Variants in TNFAIP8L3 observed in about 807,000 individuals in gnomAD.
TNFAIP8L3 encodes TNF alpha induced protein 8 like 3, also known as tumor necrosis factor alpha-induced protein 8-like protein 3.
A neutral mutation model predicts 11.8 loss-of-function variants in TNFAIP8L3; 7 were observed. The observed-to-expected ratio is 0.59, with a 90% CI of 0.34 to 1.11. The LOEUF (loss-of-function observed/expected upper bound fraction) is 1.11. TNFAIP8L3 is among the 50% of genes most tolerant of loss of function. The pLI is 0.03. For synonymous variants in TNFAIP8L3, 98 were observed against 103.8 expected, an observed-to-expected ratio of 0.94 and a Z score of 0.34; for missense variants, 219 against 258.6, an observed-to-expected ratio of 0.85 and a Z score of 1.05.
chr15:51,062,740 A>T (rs569055623), intron 1 of TNFAIP8L3, among the ~76,000 whole-genome samples: 113 of 152,348 alleles, frequency 7.4e-4, no homozygotes, highest in African/African-American at 2.6e-3. Context: ...GTGAGATTTT[A>T]AAAATATTTA....
exon 1 of TNFAIP8L3, chr15:51,105,150 G>A (rs1159804531): frequency 3.1e-6 from 5 of 1,613,944 alleles, no homozygotes; most frequent in Non-Finnish European, 4.2e-6. Context: ...AAACCAGTGT[G>A]CTTGGGTTTT....
At chr15:51,104,429 C>T (rs2065574992) in intron 1 of TNFAIP8L3, among the ~76,000 whole-genome samples, 1 of 152,122 alleles carries the variant, frequency 6.6e-6, no homozygotes. Context: ...GAATATACAC[C>T]AAAACAAAGA....
chr15:51,090,945 C>T (rs1201910501), intron 1 of TNFAIP8L3, among the ~76,000 whole-genome samples: 4 of 152,080 alleles, frequency 2.6e-5, no homozygotes, highest in African/African-American at 4.8e-5. Flanking sequence ...AAAAAACTGA[C>T]GTCGCTGTTT....
chr15:51,097,409 G>C (rs79929332), upstream of TNFAIP8L3, among the ~76,000 whole-genome samples: 728 of 152,288 alleles, frequency 4.8e-3, 4 homozygotes, highest in African/African-American at 0.017. Context: ...TTGGGCATGG[G>C]GGGGAGAGAA....
intron 1 of TNFAIP8L3, among the ~76,000 whole-genome samples, chr15:51,104,432 A>G (rs775217535): frequency 9.9e-5 from 15 of 152,224 alleles, no homozygotes; most frequent in Admixed American, 6.5e-4. Context: ...TATACACCAA[A>G]ACAAAGAACT....
chr15:51,061,624 A>G (rs1434150850), intron 1 of TNFAIP8L3, among the ~76,000 whole-genome samples: 1 of 152,150 alleles, frequency 6.6e-6, no homozygotes, highest in Non-Finnish European at 1.5e-5. Flanking sequence ...AACTTCATGT[A>G]TGTGCTTTGC....
chr15:51,094,393 G>T lies in TNFAIP8L3; in HGVS notation c.52+151C>A. Reference sequence around the variant, plus strand: ...CCCAAGTGCAATGGGGTTGGGGGAAGCCCCAAAGCAAACTCACGACGCGGA... The same window carrying T: ...CCCAAGTGCAATGGGGTTGGGGGAATCCCCAAAGCAAACTCACGACGCGGA... On this transcript the variant is annotated intron_variant, in intron 1 of 1. Transcript: ENST00000637513. This position sits in a 1 kb window ranked among gnomAD's most constrained non-coding sequence, Gnocchi z 4.4. 3.1e-6 allele frequency: 3 copies of T among 975,360 alleles called. No individual in the cohort carries two copies. Among genetic ancestry groups the T allele is most frequent in the Non-Finnish European group, 4.0e-6 (3 of 746,762 alleles). 60.4% of individuals were successfully genotyped at this position (975,360 alleles called of 1,614,324 possible). A position where few individuals can be genotyped will look rare whatever the true frequency, so the allele number is the denominator to read the frequency against.
At chr15:51,062,387 G>A (rs1488235287) in intron 1 of TNFAIP8L3, among the ~76,000 whole-genome samples, 1 of 152,224 alleles carries the variant, frequency 6.6e-6, no homozygotes, top group East Asian at 1.9e-4. Flanking sequence ...CTGAGCCCAG[G>A]AGGTTGAGGC....
rs115415005 is a variant in TNFAIP8L3, at chr15:51,083,584, A to G, written c.52+10960T>C. Among the ~76,000 whole-genome samples the G allele has an allele frequency of 1.8e-3, 280 of 152,362 alleles. 1 individual carries two copies. The highest frequency in any genetic ancestry group is 6.3e-3 in the African/African-American group (261 of 41,580). Reference sequence around the variant, plus strand: ...AGTTTCAAGAAAGCCAAGATGGCTGAGTCCACAGGCTCACCCACGGGTGCG... The same window carrying G: ...AGTTTCAAGAAAGCCAAGATGGCTGGGTCCACAGGCTCACCCACGGGTGCG... On this transcript the variant is annotated intron_variant, in intron 1 of 1. Coordinates refer to ENST00000637513, the MANE Select transcript of TNFAIP8L3 (RefSeq NM_001311175.2).
intron 1 of TNFAIP8L3, among the ~76,000 whole-genome samples, chr15:51,061,583 T>C (rs1266833527): frequency 2.6e-5 from 4 of 152,328 alleles, no homozygotes; most frequent in African/African-American, 9.6e-5. Context: ...CTTGAAATTG[T>C]ATCTCTATTC....
chr15:51,084,974 A>T (rs1257399552), intron 1 of TNFAIP8L3, among the ~76,000 whole-genome samples: 1 of 152,226 alleles, frequency 6.6e-6, no homozygotes, highest in Admixed American at 6.5e-5. Context: ...AGGTACAGAG[A>T]AACCAGGATT....
At chr15:51,088,283 G>T (rs1456268432) in intron 1 of TNFAIP8L3, among the ~76,000 whole-genome samples, 2 of 152,120 alleles carry the variant, frequency 1.3e-5, no homozygotes, top group Non-Finnish European at 2.9e-5. Flanking sequence ...GGCAAGTGCT[G>T]TATTTTTTAT....
Position 51,094,572 on chromosome 15 carries a change from C to A in TNFAIP8L3, c.24G>T (p.Gln8His). The A allele has an allele frequency of 6.7e-7, 1 of 1,503,278 alleles. No individual in the cohort carries two copies. Among genetic ancestry groups the A allele is most frequent in the Admixed American group, 2.0e-5 (1 of 49,016 alleles). 93.1% of individuals were successfully genotyped at this position (1,503,278 alleles called of 1,614,324 possible). ...CGGCGGTCACGGGCTCGCCCTCGCT[C>A]TGCTCCCCGGAATCCGAATCCATGC... The part of the protein sequence containing the change: MDSDSGE[Q>H]SEGEPVTAAG... Residue 8 changes from glutamine (Q) to histidine (H), a missense_variant, in exon 1 of 2, where the codon CAG becomes CAT. By Grantham distance (24) the Gln-to-His change is conservative. Coordinates refer to ENST00000637513, the MANE Select transcript of TNFAIP8L3 (RefSeq NM_001311175.2). This position sits in a 1 kb window ranked among gnomAD's most constrained non-coding sequence, Gnocchi z 4.4.
chr15:51,075,229 T>C (rs993668490), intron 1 of TNFAIP8L3, among the ~76,000 whole-genome samples: 4 of 152,068 alleles, frequency 2.6e-5, no homozygotes, highest in Non-Finnish European at 5.9e-5. Context: ...AAGCACAAGG[T>C]CCACCCTTTG....
At chr15:51,071,634 G>T (rs556480031) in intron 1 of TNFAIP8L3, among the ~76,000 whole-genome samples, 2 of 152,268 alleles carry the variant, frequency 1.3e-5, no homozygotes, top group African/African-American at 2.4e-5. Context: ...GGACATTTAA[G>T]TTCTTTCCAT....
chr15:51,063,339 C>T (rs1006648089), intron 1 of TNFAIP8L3, among the ~76,000 whole-genome samples: 9 of 152,172 alleles, frequency 5.9e-5, no homozygotes, highest in Non-Finnish European at 1.3e-4. Flanking sequence ...AGGGCTTTCC[C>T]AGGCAGTGGA....
intron 1 of TNFAIP8L3, among the ~76,000 whole-genome samples, chr15:51,084,202 G>GTC (rs1321263948): frequency 3.9e-5 from 6 of 152,078 alleles, no homozygotes; most frequent in Non-Finnish European, 8.8e-5. Flanking sequence ...GTGTGTGTGT[G>GTC]TATGCACATT....
chr15:51,101,349 T>G (rs1339407545), intron 1 of TNFAIP8L3, among the ~76,000 whole-genome samples: 4 of 152,162 alleles, frequency 2.6e-5, no homozygotes, highest in African/African-American at 9.7e-5. Context: ...GTGCGGGGCG[T>G]GGTGGCTCAC....
intron 1 of TNFAIP8L3, among the ~76,000 whole-genome samples, chr15:51,076,229 G>A (rs575336116): frequency 1.3e-5 from 2 of 152,260 alleles, no homozygotes; most frequent in Middle Eastern, 3.4e-3. Context: ...CTGGCCTGTG[G>A]AATGACAGTG....
Sources: gnomAD v4.1 joint callset for allele counts (sites outside exome capture counted in the v4.1 genomes callset) on GRCh38, gnomAD v4.1.1 for gene constraint, Gnocchi (gnomAD v3.1) non-coding constraint, MANE v1.5 for transcripts, NCBI Gene and HGNC (gene_info 2026-07-23, HGNC 2026-07-21) for gene names.